The following UBA6 variants were observed in gnomAD, a reference collection of about 807,000 sequenced individuals.
UBA6 encodes ubiquitin like modifier activating enzyme 6.
UBA6 carries 87 observed loss-of-function variants against 148.3 expected under a neutral mutation model. The ratio of observed to expected loss-of-function variants is 0.59; its 90% CI spans 0.49 to 0.70. The LOEUF (loss-of-function observed/expected upper bound fraction) is 0.70, where lower values mean the gene tolerates loss of function less well. Ranked by LOEUF, UBA6 falls within the 30% of genes least tolerant of loss-of-function variation. UBA6 has a pLI of 0.00. For synonymous variants in UBA6, 376 were observed against 401.0 expected, an observed-to-expected ratio of 0.94 and a Z score of 0.75; for missense variants, 1,186 against 1,241.2, an observed-to-expected ratio of 0.96 and a Z score of 0.67.
Position 67,616,955 on chromosome 4 carries a change from A to G in UBA6, c.*2042T>C, listed in dbSNP as rs1300646418. 3 of 152,082 alleles carry G rather than the reference A, an allele frequency of 2.0e-5. No individual in the cohort carries two copies. Among genetic ancestry groups the G allele is most frequent in the African/African-American group, 7.2e-5 (3 of 41,442 alleles). The allele number at this position is 152,082 out of a possible 1,614,324, so 9.4% of individuals were successfully genotyped here. On this transcript the variant is annotated 3_prime_UTR_variant, in exon 33 of 33. Transcript: ENST00000322244. ...AATAATGGGAATTATCATTAACTTC[A>G]CCCTGGCTTTCTAGCTTAGTAGAAC...
At chr4:67,666,122 T>G (rs562301623) in intron 9 of UBA6, among the ~76,000 whole-genome samples, 1 of 152,142 alleles carries the variant, frequency 6.6e-6, no homozygotes, top group South Asian at 2.1e-4. Context: ...CAGGAGGCTA[T>G]AGTGTGCTAA....
At chr4:67,632,437 GTTCATTATACTATTTCCTC>G (rs991466773) in intron 23 of UBA6, among the ~76,000 whole-genome samples, 2 of 151,878 alleles carry the variant, frequency 1.3e-5, no homozygotes, top group Admixed American at 1.3e-4. Flanking sequence ...TTACATTAGG[GTTCATTATACTATTTCCTC>G]TACATTTCTA....
intron 2 of UBA6, among the ~76,000 whole-genome samples, chr4:67,684,186 G>A (rs1222876594): frequency 1.3e-5 from 2 of 152,206 alleles, no homozygotes; most frequent in Non-Finnish European, 2.9e-5. Context: ...CAACCTGGCT[G>A]TGCAGGCTTG....
chr4:67,629,043 T>G, intron 27 of UBA6, 28 bp downstream of exon 27: 1 of 1,503,598 alleles, frequency 6.7e-7, no homozygotes, highest in Non-Finnish European at 9.3e-7. Context: ...CCAAACTATT[T>G]GCTGAATGAA....
intron 13 of UBA6, among the ~76,000 whole-genome samples, chr4:67,658,761 A>G (rs1729767737): frequency 6.6e-6 from 1 of 152,168 alleles, no homozygotes; most frequent in African/African-American, 2.4e-5. Flanking sequence ...TAGAAACCAG[A>G]CTCAAAAGAC....
intron 29 of UBA6, among the ~76,000 whole-genome samples, 156 bp from the exon 30 acceptor site, chr4:67,624,409 T>C (rs1003635764): frequency 6.6e-6 from 1 of 152,164 alleles, no homozygotes; most frequent in African/African-American, 2.4e-5. Context: ...TACAGGTCTG[T>C]ATACTTTTAG....
chr4:67,685,633 C>A (rs149267595), intron 2 of UBA6, among the ~76,000 whole-genome samples: 1 of 152,142 alleles, frequency 6.6e-6, no homozygotes, highest in South Asian at 2.1e-4. Context: ...AACCCCGTTA[C>A]GTAGGACCTA....
intron 13 of UBA6, among the ~76,000 whole-genome samples, chr4:67,650,153 A>G (rs866972920): frequency 2.0e-5 from 3 of 152,176 alleles, no homozygotes; most frequent in African/African-American, 7.2e-5. Context: ...GTTGGTGGTG[A>G]TAATATTAAA....
intron 13 of UBA6, among the ~76,000 whole-genome samples, chr4:67,658,562 G>C (rs781390661): frequency 3.3e-5 from 5 of 152,128 alleles, no homozygotes; most frequent in African/African-American, 9.7e-5. Context: ...GGTGGGAAGA[G>C]GGGGCGGAAA....
chr4:67,661,729 T>C (rs1349983613), intron 13 of UBA6: 1 of 164,822 alleles, frequency 6.1e-6, no homozygotes, highest in African/African-American at 2.4e-5. Context: ...ACTGGCATCA[T>C]AACACACACA....
intron 2 of UBA6, among the ~76,000 whole-genome samples, chr4:67,693,496 G>C (rs895611796): frequency 6.6e-6 from 1 of 152,162 alleles, no homozygotes; most frequent in African/African-American, 2.4e-5. Flanking sequence ...AAGAGGTAGG[G>C]TGGTAGGGGA....
At position 67,639,069 on chromosome 4, in the gene UBA6, T is replaced by C; in HGVS notation, c.1610A>G (p.Lys537Arg). Reference sequence around the variant, plus strand: ...TACTTTGTTCAGGTGTGCATCTATCTTTATTTGAGAATTTATTTTCAGAGT... The same window carrying C: ...TACTTTGTTCAGGTGTGCATCTATCCTTATTTGAGAATTTATTTTCAGAGT... The part of the protein sequence containing the change: ...DATLKINSQI[K>R]IDAHLNKVCP... Residue 537 changes from lysine to arginine, a missense_variant, in exon 19 of 33, where the codon AAG becomes AGG. By Grantham distance (26) the Lys-to-Arg change is conservative. Transcript: ENST00000322244. 1 of 1,613,598 alleles carries C rather than the reference T, an allele frequency of 6.2e-7. No homozygotes were observed. Among genetic ancestry groups the C allele is most frequent in the Non-Finnish European group, 8.5e-7 (1 of 1,179,798 alleles).
At chr4:67,624,304 G>T in intron 29 of UBA6, 51 bp from the exon 30 acceptor site, 1 of 1,497,666 alleles carries the variant, frequency 6.7e-7, no homozygotes, top group Non-Finnish European at 8.9e-7. Flanking sequence ...AACTATCCGT[G>T]ATTTTAATTG....
intron 13 of UBA6, among the ~76,000 whole-genome samples, chr4:67,657,996 T>C (rs1019292565): frequency 6.6e-6 from 1 of 152,146 alleles, no homozygotes; most frequent in African/African-American, 2.4e-5. Context: ...CACAATGAGA[T>C]ACCATCTCAT....
intron 2 of UBA6, among the ~76,000 whole-genome samples, chr4:67,687,223 A>AG (rs1478055266): frequency 6.6e-6 from 1 of 151,556 alleles, no homozygotes; most frequent in East Asian, 2.0e-4. Flanking sequence ...TTTAGTAGAG[A>AG]GGGGGTTTCA....
intron 27 of UBA6, among the ~76,000 whole-genome samples, 180 bp from the exon 28 acceptor site, chr4:67,626,657 CATGT>C (rs1560477682): frequency 6.6e-6 from 1 of 151,812 alleles, no homozygotes; most frequent in South Asian, 2.1e-4. Context: ...TTATGTTATT[CATGT>C]ATGTATTTTA....
intron 25 of UBA6, among the ~76,000 whole-genome samples, chr4:67,631,051 C>T (rs1393167241): frequency 6.6e-6 from 1 of 151,976 alleles, no homozygotes; most frequent in Admixed American, 6.6e-5. Flanking sequence ...TGAATGCAAG[C>T]TAAGTGTTTA....
intron 13 of UBA6, among the ~76,000 whole-genome samples, chr4:67,657,561 A>G (rs896760936): frequency 2.0e-5 from 3 of 152,196 alleles, no homozygotes; most frequent in African/African-American, 7.2e-5. Flanking sequence ...AAGATCTAAA[A>G]CTATAAAAAC....
In UBA6 at chr4:67,636,883, C is replaced by T. The variant is rs1460368153; in HGVS notation, c.1737-1325G>A. On this transcript the variant is annotated intron_variant, in intron 19 of 32. Transcript: ENST00000322244. ...CTGGGATGTGAGGAGCCCCTCTGCC[C>T]GGCTGCCCAGTCTGGGAAGTGAGGA... Among the ~76,000 whole-genome samples, 216 of 151,138 alleles carry T rather than the reference C, an allele frequency of 1.4e-3. 1 individual carries two copies. In the East Asian group the frequency reaches 0.022, roughly 15 times the overall value.
Sources: allele counts gnomAD v4.1 joint callset (sites outside exome capture counted in the v4.1 genomes callset), GRCh38; gene constraint gnomAD v4.1.1; transcripts MANE v1.5; gene names NCBI Gene and HGNC (gene_info 2026-07-23, HGNC 2026-07-21).